MDN1: variants seen among roughly 807,000 people sequenced by gnomAD.
MDN1 encodes midasin.
A neutral mutation model predicts 669.2 loss-of-function variants in MDN1; 266 were observed. The observed-to-expected ratio is 0.40, with a 90% confidence interval of 0.36 to 0.44. The LOEUF (loss-of-function observed/expected upper bound fraction) is 0.44. MDN1 is among the 20% of genes least tolerant of loss of function. The pLI is 1.00. For missense variants in MDN1, 5,940 were observed against 6,754.0 expected (o/e 0.88, Z 4.22); for synonymous variants, 2,385 against 2,457.1 (o/e 0.97, Z 0.87).
intron 8 of MDN1, among the ~76,000 whole-genome samples, chr6:89,787,126 T>C (rs538153823): frequency 6.9e-4 from 105 of 151,202 alleles, no homozygotes; most frequent in African/African-American, 2.3e-3. Context: ...CCTTGAATAC[T>C]ATCGGGTTAG....
chr6:89,683,058 A>G, intron 73 of MDN1, 74 bp downstream of exon 73: 2 of 1,452,898 alleles, frequency 1.4e-6, no homozygotes, highest in Non-Finnish European at 1.9e-6. Flanking sequence ...GTACTGAGGC[A>G]TGCCTTGCAC....
In MDN1 at chr6:89,661,715, C is replaced by T. The variant is rs560865276; in HGVS notation, c.14566-137G>A. ...TCTATTCCCTAAAATTATCTGCACA[C>T]ATTAGTATTTTATTTTTAGACCTTT... On this transcript the variant is annotated intron_variant, in intron 87 of 101. Coordinates refer to ENST00000369393, the MANE Select transcript of MDN1 (RefSeq NM_014611.3). 4.6e-6 allele frequency: 4 copies of T among 868,202 alleles called. No individual in the cohort carries two copies. In the South Asian group the frequency reaches 8.3e-5, roughly 18 times the overall value. The allele number at this position is 868,202 out of a possible 1,614,324, so 53.8% of individuals were successfully genotyped here.
intron 34 of MDN1, among the ~76,000 whole-genome samples, chr6:89,732,046 CG>C (rs1401361081): frequency 6.6e-6 from 1 of 151,894 alleles, no homozygotes; most frequent in African/African-American, 2.4e-5. Context: ...AACCCAACCC[CG>C]GCCAATAAAA....
intron 35 of MDN1, among the ~76,000 whole-genome samples, 161 bp from the exon 36 acceptor site, chr6:89,729,300 T>C (rs1007207167): frequency 2.0e-5 from 3 of 152,266 alleles, no homozygotes; most frequent in Non-Finnish European, 4.4e-5. Flanking sequence ...TCCCCACTTT[T>C]AGATCCATAA....
intron 8 of MDN1, 73 bp downstream of exon 8, chr6:89,787,781 G>A (rs2128325929): frequency 8.8e-7 from 1 of 1,142,094 alleles, no homozygotes; most frequent in Non-Finnish European, 1.3e-6. Flanking sequence ...TCTATTACAG[G>A]ACCTCTGGCT....
chr6:89,774,536 G>T, intron 13 of MDN1, 85 bp downstream of exon 13: 1 of 962,980 alleles, frequency 1.0e-6, no homozygotes, highest in Non-Finnish European at 1.7e-6. Flanking sequence ...CATGTGTTTT[G>T]CACAAAGACA....
Position 89,745,637 on chromosome 6 carries a change from G to A in MDN1, c.3905-11C>T. ...CCAGAAGCATATAACCTGGGAGGAGGAGGAGGAAAAGGAGGAGAGGAATCA... is the reference window on the plus strand; with the variant it reads ...CCAGAAGCATATAACCTGGGAGGAGAAGGAGGAAAAGGAGGAGAGGAATCA... On this transcript the variant is annotated splice_polypyrimidine_tract_variant and intron_variant, in intron 27 of 101. Transcript: ENST00000369393. 2 of 1,612,254 alleles carry A rather than the reference G, an allele frequency of 1.2e-6. No individual in the cohort carries two copies. Among genetic ancestry groups the A allele is most frequent in the Non-Finnish European group, 1.7e-6 (2 of 1,179,198 alleles).
At chr6:89,650,653 T>TCC in intron 96 of MDN1, 79 bp downstream of exon 96, 1 of 1,064,622 alleles carries the variant, frequency 9.4e-7, no homozygotes, top group Non-Finnish European at 1.4e-6. Flanking sequence ...TATAAATGGT[T>TCC]AGGTGCCGCG....
chr6:89,801,917 G>A (rs113380122), intron 2 of MDN1, among the ~76,000 whole-genome samples: 21,453 of 150,704 alleles, frequency 0.14, 1,807 homozygotes, highest in South Asian at 0.21. Flanking sequence ...AGGTGAGATC[G>A]TGCCACTGCA....
chr6:89,696,270 A>T, intron 60 of MDN1, 90 bp downstream of exon 60: 1 of 1,343,152 alleles, frequency 7.4e-7, no homozygotes, highest in Non-Finnish European at 1.0e-6. Context: ...AGAACTAGCC[A>T]CTACAGAAGG....
In MDN1 at chr6:89,723,038, G is replaced by A; in HGVS notation, c.5884C>T (p.Gln1962Ter). The change falls in exon 40 of 102, where the codon CAG becomes TAG. Residue 1962 changes from glutamine (Q) to a stop codon, truncating the protein, a stop_gained. Coordinates refer to ENST00000369393, the MANE Select transcript of MDN1 (RefSeq NM_014611.3). LOFTEE classifies it high-confidence loss of function. ...CCAGGATCATAACACCCAGGGGACT[G>A]GTCAACCAGCATCAACTGACACCAG... ...FRWCQLMLVD[Q>*]SPGCYDPGQH... 1 of 1,614,028 alleles carries A rather than the reference G, an allele frequency of 6.2e-7. No individual in the cohort carries two copies. Among genetic ancestry groups the A allele is most frequent in the Non-Finnish European group, 8.5e-7 (1 of 1,179,970 alleles).
At chr6:89,749,135 C>A in intron 26 of MDN1, 88 bp downstream of exon 26, 1 of 1,267,774 alleles carries the variant, frequency 7.9e-7, no homozygotes, top group East Asian at 2.5e-5. Flanking sequence ...AAAAATACAT[C>A]AACAGACAGA....
chr6:89,754,795 G>C (rs1354171030), intron 20 of MDN1, among the ~76,000 whole-genome samples: 3 of 152,128 alleles, frequency 2.0e-5, no homozygotes, highest in Non-Finnish European at 4.4e-5. Context: ...TGATCAATTA[G>C]CACCACAAGA....
rs373391141 is a variant in MDN1 at position 89,664,595 on chromosome 6, C to G, written c.14128G>C (p.Asp4710His). Residue 4710 changes from aspartate (D) to histidine (H), a missense_variant, in exon 85 of 102, where the codon GAC becomes CAC. This residue lies in a region of MDN1 where 2,280 missense variants were observed against 2,576.3 expected (regional missense o/e 0.88). Coordinates refer to ENST00000369393, the MANE Select transcript of MDN1 (RefSeq NM_014611.3). The stretch of plus-strand genomic sequence containing the variant: ...GATTTTGAATCAGGATCCTCTTTGT[C>G]TTTTTCTTGACCCTTCTGAAATGTA... The part of the protein sequence containing the change: ...EDTFQKGQEK[D>H]KEDPDSKSDI... 10 of 1,612,884 alleles carry G rather than the reference C, an allele frequency of 6.2e-6. No individual in the cohort carries two copies. In the African/African-American group the frequency reaches 1.3e-4, roughly 22 times the overall value.
At position 89,712,631 on chromosome 6, in the gene MDN1, T is replaced by G; in HGVS notation, c.7374A>C (p.Gly2458=). 1 of 1,614,174 alleles carries G rather than the reference T, an allele frequency of 6.2e-7. No homozygotes were observed. Among genetic ancestry groups the G allele is most frequent in the Non-Finnish European group, 8.5e-7 (1 of 1,180,010 alleles). ...DSHLSTVRRD[G]QILVYCLNRM... ...TGTTGAGACAATATACTAAGATCTG[T>G]CCATCTCTTCGGACTGTAGACAGGT... The change falls in exon 48 of 102, where the codon GGA becomes GGC. Residue 2458 remains glycine (G), a synonymous_variant. Coordinates refer to ENST00000369393, the MANE Select transcript of MDN1 (RefSeq NM_014611.3).
chr6:89,802,471 T>A (rs1001690056), intron 2 of MDN1, among the ~76,000 whole-genome samples: 1 of 152,086 alleles, frequency 6.6e-6, no homozygotes, highest in South Asian at 2.1e-4. Flanking sequence ...GATCACGAGG[T>A]CAAGAGATTG....
chr6:89,664,308 T>G (rs949594604), intron 85 of MDN1, among the ~76,000 whole-genome samples, 179 bp downstream of exon 85: 4 of 152,204 alleles, frequency 2.6e-5, no homozygotes, highest in African/African-American at 9.6e-5. Context: ...ACCAGGGACT[T>G]CTGCCTCAGT....
intron 12 of MDN1, among the ~76,000 whole-genome samples, chr6:89,775,594 T>A (rs1818312318): frequency 1.3e-5 from 2 of 152,080 alleles, no homozygotes; most frequent in African/African-American, 4.8e-5. Flanking sequence ...AAAACAAGAA[T>A]GGCAAAATAT....
intron 46 of MDN1, among the ~76,000 whole-genome samples, chr6:89,713,870 A>G (rs865931107): frequency 2.0e-5 from 3 of 151,828 alleles, no homozygotes; most frequent in South Asian, 4.2e-4. Context: ...CCCTGTCTCT[A>G]CTAAAAATAA....
Sources: gnomAD v4.1 joint callset for allele counts (sites outside exome capture counted in the v4.1 genomes callset) on GRCh38, gnomAD v4.1.1 for gene constraint, gnomAD v4.1.1 regional missense constraint, MANE v1.5 for transcripts, NCBI Gene and HGNC (gene_info 2026-07-23, HGNC 2026-07-21) for gene names.